Variants in USP25 observed in about 807,000 individuals in gnomAD.
The protein encoded by USP25 is ubiquitin carboxyl-terminal hydrolase 25.
USP25 carries 85 observed loss-of-function variants against 158.5 expected under a neutral mutation model. That is an observed-to-expected ratio of 0.54 (90% confidence interval 0.45 to 0.64). The LOEUF (loss-of-function observed/expected upper bound fraction) is 0.64. Among genes scored for constraint, USP25 ranks in the 30% least tolerant of loss-of-function variants. The pLI, the probability that USP25 is intolerant of heterozygous loss-of-function variation, is 0.00. For missense variants in USP25, 1,242 were observed against 1,327.3 expected, an observed-to-expected ratio of 0.94 and a Z score of 1.00; for synonymous variants, 464 against 460.4, an observed-to-expected ratio of 1.01 and a Z score of -0.10.
intron 22 of USP25, among the ~76,000 whole-genome samples, chr21:15,866,618 C>CT (rs1180062696): frequency 6.6e-6 from 1 of 151,990 alleles, no homozygotes; most frequent in African/African-American, 2.4e-5. Flanking sequence ...TTTAAATGAA[C>CT]TTTTCTAGCT....
intron 4 of USP25, among the ~76,000 whole-genome samples, chr21:15,779,463 A>G (rs949363814): frequency 2.6e-5 from 4 of 151,796 alleles, no homozygotes; most frequent in Non-Finnish European, 5.9e-5. Flanking sequence ...TTAAAATTAT[A>G]TTTTTGTTTA....
At chr21:15,861,789 A>C (rs2039438808) in intron 20 of USP25, among the ~76,000 whole-genome samples, 2 of 152,152 alleles carry the variant, frequency 1.3e-5, no homozygotes, top group African/African-American at 4.8e-5. Flanking sequence ...AAAATAGTTA[A>C]GAATTGCATT....
chr21:15,827,009 A>G lies in USP25; in HGVS notation c.1499A>G (p.Glu500Gly), dbSNP rs1365919727. The part of the protein sequence containing the change: ...TTEQQGALSS[E>G]LPSTSPSSVA... ...GAACAACAGGGAGCCCTATCTTCAGAACTGCCAAGCACATCACCTTCATCA... is the reference window on the plus strand; with the variant it reads ...GAACAACAGGGAGCCCTATCTTCAGGACTGCCAAGCACATCACCTTCATCA... The change falls in exon 14 of 26, where the codon GAA becomes GGA. Residue 500 changes from glutamate (E) to glycine (G), a missense_variant. By Grantham distance (98) the Glu-to-Gly change is moderately conservative. Transcript: ENST00000400183. The G allele has an allele frequency of 1.9e-6, 3 of 1,614,098 alleles. No homozygotes were observed. The East Asian group carries it at 6.7e-5, about 36-fold the overall frequency.
intron 2 of USP25, among the ~76,000 whole-genome samples, chr21:15,763,460 A>G (rs913421185): frequency 1.3e-5 from 2 of 152,204 alleles, no homozygotes; most frequent in African/African-American, 4.8e-5. Flanking sequence ...CAAACTCTTC[A>G]GTATAGGCAA....
intron 18 of USP25, 65 bp downstream of exon 18, chr21:15,842,605 G>A: frequency 6.4e-7 from 1 of 1,573,574 alleles, no homozygotes; most frequent in Non-Finnish European, 8.6e-7. Flanking sequence ...CAGTATAGTG[G>A]AGAGGGACCT....
At chr21:15,791,448 G>A in intron 4 of USP25, 54 bp from the exon 5 acceptor site, 1 of 1,487,030 alleles carries the variant, frequency 6.7e-7, no homozygotes, top group Non-Finnish European at 9.0e-7. Context: ...TGTGTGATAT[G>A]CCTGGGATAT....
At position 15,861,413 on chromosome 21, in the gene USP25, A is replaced by G. The variant is rs574825669; in HGVS notation, c.2548-2855A>G. ...ACTAGTATCACATTTCATTTTGCAC[A>G]TGCGTGGTGATTTCATTGCAGTGTC... is the stretch of plus-strand genomic sequence containing the variant. On this transcript the variant is annotated intron_variant, in intron 20 of 25. Transcript: ENST00000400183. 1.8e-3 allele frequency among the ~76,000 whole-genome samples: 279 copies of G among 152,324 alleles called. 9 individuals are homozygous for G. The highest frequency in any genetic ancestry group is 9.4e-4 in the Non-Finnish European group (64 of 67,994).
chr21:15,742,609 G>A (rs1352912734), intron 1 of USP25, among the ~76,000 whole-genome samples: 2 of 152,166 alleles, frequency 1.3e-5, no homozygotes, highest in Non-Finnish European at 2.9e-5. Context: ...TTTGGAGAAC[G>A]GCTTTGGAGC....
rs1001228008 is a variant in USP25, at chr21:15,826,122, G to A, written c.1305-82G>A. On this transcript the variant is annotated intron_variant, in intron 12 of 25. Transcript: ENST00000400183. This position sits in a 1 kb window ranked among gnomAD's most constrained non-coding sequence, Gnocchi z 4.8. ...GCTGAGGAAGTTTTATTGAAGTATC[G>A]TATCACGTTTTATAATAATAATAAA... 19 of 1,381,500 alleles carry A rather than the reference G, an allele frequency of 1.4e-5. No individual in the cohort carries two copies. The highest frequency in any genetic ancestry group is 2.9e-5 in the African/African-American group (2 of 68,710). 85.6% of individuals were successfully genotyped at this position (1,381,500 alleles called of 1,614,324 possible).
chr21:15,775,796 T>C (rs1470143052), intron 3 of USP25, among the ~76,000 whole-genome samples: 1 of 125,490 alleles, frequency 8.0e-6, no homozygotes, highest in Admixed American at 1.0e-4. Flanking sequence ...TGTTAGTGCA[T>C]TCTAATGGAT....
intron 4 of USP25, 99 bp downstream of exon 4, chr21:15,778,126 G>T: frequency 8.6e-7 from 1 of 1,158,856 alleles, no homozygotes; most frequent in Non-Finnish European, 1.2e-6. Context: ...GATATACTTT[G>T]TTACTCTAAA....
intron 5 of USP25, among the ~76,000 whole-genome samples, chr21:15,796,782 C>G (rs2035882196): frequency 6.6e-6 from 1 of 151,314 alleles, no homozygotes; most frequent in Non-Finnish European, 1.5e-5. Context: ...TTTTCATACA[C>G]AATGTCTAGT....
chr21:15,873,235 T>A (rs1199847234), intron 23 of USP25, among the ~76,000 whole-genome samples: 1 of 151,738 alleles, frequency 6.6e-6, no homozygotes, highest in Non-Finnish European at 1.5e-5. Flanking sequence ...CTCAGCCTCC[T>A]GAGTAGCTGG....
At chr21:15,732,853 G>C (rs1208071782) in intron 1 of USP25, among the ~76,000 whole-genome samples, 1 of 152,060 alleles carries the variant, frequency 6.6e-6, no homozygotes, top group African/African-American at 2.4e-5. Context: ...TGAGGCAAGA[G>C]GCTGCCTTTC....
At chr21:15,734,329 T>C (rs1451626602) in intron 1 of USP25, among the ~76,000 whole-genome samples, 1 of 152,236 alleles carries the variant, frequency 6.6e-6, no homozygotes, top group Non-Finnish European at 1.5e-5. Flanking sequence ...TCTAAGGTTA[T>C]AAAACTATAC....
intron 17 of USP25, among the ~76,000 whole-genome samples, chr21:15,840,329 A>G (rs542439149): frequency 6.6e-6 from 1 of 152,312 alleles, no homozygotes; most frequent in East Asian, 1.9e-4. Context: ...TTGTATTATA[A>G]TAGAATGTAT....
rs1247271174 is a variant in USP25 at position 15,875,865 on chromosome 21, G to T, written c.3009+1339G>T. 1 of 152,146 alleles carries T rather than the reference G, an allele frequency of 6.6e-6. No homozygotes were observed. Among genetic ancestry groups the T allele is most frequent in the Non-Finnish European group, 1.5e-5 (1 of 68,028 alleles). 9.4% of individuals were successfully genotyped at this position (152,146 alleles called of 1,614,324 possible). ...GTTTGATTAGGTTTGGCATAATGAG[G>T]TTTGTTTTCAGAAAATAATTCTGGT... On this transcript the variant is annotated intron_variant, in intron 24 of 25. Coordinates refer to ENST00000400183, the MANE Select transcript of USP25 (RefSeq NM_001283041.3). This position sits in a 1 kb window ranked among gnomAD's most constrained non-coding sequence, Gnocchi z 4.7.
chr21:15,777,789 A>C (rs1050276127), intron 3 of USP25, 115 bp from the exon 4 acceptor site: 1 of 917,940 alleles, frequency 1.1e-6, no homozygotes, highest in African/African-American at 1.7e-5. Flanking sequence ...TTAGAAATAC[A>C]AAATTAGTTG....
At position 15,772,613 on chromosome 21, in the gene USP25, T is replaced by A. The variant is rs577961857; in HGVS notation, c.269-5291T>A. Among the ~76,000 whole-genome samples the A allele has an allele frequency of 2.6e-5, 4 of 152,348 alleles. No homozygotes were observed. The South Asian group carries it at 8.3e-4, about 32-fold the overall frequency. On this transcript the variant is annotated intron_variant, in intron 3 of 25. Transcript: ENST00000400183. Reference sequence around the variant, plus strand: ...TGACTTTTACCAGTTAGAAGTTGTTTATAGCCAAAGTTATTCTGTTTCTTT... The same window carrying A: ...TGACTTTTACCAGTTAGAAGTTGTTAATAGCCAAAGTTATTCTGTTTCTTT...
Sources: gnomAD v4.1 joint callset for allele counts (sites outside exome capture counted in the v4.1 genomes callset) on GRCh38, gnomAD v4.1.1 for gene constraint, Gnocchi (gnomAD v3.1) non-coding constraint, MANE v1.5 for transcripts, NCBI Gene and HGNC (gene_info 2026-07-23, HGNC 2026-07-21) for gene names.